The following PDSS2 variants were observed in gnomAD, a reference collection of about 807,000 sequenced individuals.
PDSS2 encodes decaprenyl diphosphate synthase subunit 2, also known as all trans-polyprenyl-diphosphate synthase PDSS2.
Under a neutral mutation model 44.5 loss-of-function variants are expected in PDSS2, and 31 were observed. The observed-to-expected ratio is 0.70, with a 90% CI of 0.52 to 0.94. The LOEUF (loss-of-function observed/expected upper bound fraction) is 0.94, where lower values mean the gene tolerates loss of function less well. Among genes scored for constraint, PDSS2 ranks in the 40% least tolerant of loss-of-function variants. PDSS2 has a pLI of 0.00. For synonymous variants in PDSS2, 157 were observed against 180.3 expected, an observed-to-expected ratio of 0.87 and a Z score of 1.03; for missense variants, 452 against 482.2, an observed-to-expected ratio of 0.94 and a Z score of 0.59.
At chr6:107,274,628 G>C (rs1260151563) in intron 2 of PDSS2, among the ~76,000 whole-genome samples, 1 of 150,426 alleles carries the variant, frequency 6.6e-6, no homozygotes, top group Non-Finnish European at 1.5e-5. Context: ...ATCTGTGCCA[G>C]ATACTAGTCT....
intron 2 of PDSS2, among the ~76,000 whole-genome samples, chr6:107,316,821 T>C (rs1225882360): frequency 6.6e-6 from 1 of 152,218 alleles, no homozygotes; most frequent in Non-Finnish European, 1.5e-5. Flanking sequence ...ACTACATCTA[T>C]AGCTTTGCAC....
rs75461371 is a variant in PDSS2 at position 107,175,958 on chromosome 6, C to T, written c.1041+17864G>A. 5.2e-4 allele frequency among the ~76,000 whole-genome samples: 79 copies of T among 152,276 alleles called. 2 individuals are homozygous for T. The East Asian group carries it at 6.5e-3, about 13-fold the overall frequency. Reference sequence around the variant, plus strand: ...TTTTATTAAAATTATCAACCAAAGGCACTCACTGCAGTAGTGGTATTTGTG... The same window carrying T: ...TTTTATTAAAATTATCAACCAAAGGTACTCACTGCAGTAGTGGTATTTGTG... On this transcript the variant is annotated intron_variant, in intron 7 of 7. Coordinates refer to ENST00000369037, the MANE Select transcript of PDSS2 (RefSeq NM_020381.4).
chr6:107,159,357 AAGGG>A (rs1220057344), intron 7 of PDSS2, among the ~76,000 whole-genome samples: 5 of 129,114 alleles, frequency 3.9e-5, no homozygotes, highest in South Asian at 3.0e-4. Context: ...GAAGGGAAAG[AAGGG>A]AGGGAGGGAG....
chr6:107,158,050 C>T (rs533987347), intron 7 of PDSS2, among the ~76,000 whole-genome samples: 1 of 152,242 alleles, frequency 6.6e-6, no homozygotes, highest in African/African-American at 2.4e-5. Flanking sequence ...ATGCATGAAA[C>T]ATGAATGAAT....
At chr6:107,323,404 T>C (rs1305628354) in intron 2 of PDSS2, among the ~76,000 whole-genome samples, 1 of 152,196 alleles carries the variant, frequency 6.6e-6, no homozygotes, top group East Asian at 1.9e-4. Flanking sequence ...ACAGGATAGT[T>C]GAACCTATCT....
intron 1 of PDSS2, among the ~76,000 whole-genome samples, chr6:107,352,204 T>A (rs778830783): frequency 8.4e-4 from 127 of 152,054 alleles, no homozygotes; most frequent in Non-Finnish European, 1.9e-4. Flanking sequence ...TTTAACTTTA[T>A]AAGGATGGAC....
chr6:107,372,141 T>C (rs1182470659), intron 1 of PDSS2, among the ~76,000 whole-genome samples: 3 of 152,228 alleles, frequency 2.0e-5, no homozygotes, highest in Non-Finnish European at 4.4e-5. Flanking sequence ...ACTTCTATTC[T>C]AGCAGGCAGT....
intron 7 of PDSS2, among the ~76,000 whole-genome samples, chr6:107,164,931 T>C (rs1771286443): frequency 6.6e-6 from 1 of 152,242 alleles, no homozygotes; most frequent in African/African-American, 2.4e-5. Flanking sequence ...TGATGAGCAT[T>C]TTTTCATGTG....
At chr6:107,437,864 A>G (rs921368684) in intron 1 of PDSS2, among the ~76,000 whole-genome samples, 1 of 152,142 alleles carries the variant, frequency 6.6e-6, no homozygotes, top group Non-Finnish European at 1.5e-5. Context: ...AGATTCTTTC[A>G]CTCTCGACAC....
intron 4 of PDSS2, among the ~76,000 whole-genome samples, chr6:107,224,561 C>T (rs945171396): frequency 2.0e-5 from 3 of 151,398 alleles, no homozygotes; most frequent in East Asian, 1.9e-4. Flanking sequence ...TTAAACTATC[C>T]CTGATGCCTG....
chr6:107,274,837 T>TA (rs1239326370), intron 2 of PDSS2, among the ~76,000 whole-genome samples: 2 of 152,046 alleles, frequency 1.3e-5, no homozygotes, highest in African/African-American at 4.8e-5. Context: ...CAAGCCTGGC[T>TA]AACTTTTGTA....
chr6:107,252,943 G>C (rs1277365667), intron 3 of PDSS2, among the ~76,000 whole-genome samples: 1 of 152,148 alleles, frequency 6.6e-6, no homozygotes, highest in Non-Finnish European at 1.5e-5. Flanking sequence ...AATGAAACTA[G>C]TCTCGTTAGG....
chr6:107,236,942 CTT>C (rs541953143), intron 4 of PDSS2, among the ~76,000 whole-genome samples: 7 of 143,806 alleles, frequency 4.9e-5, no homozygotes, highest in Admixed American at 7.0e-5. Flanking sequence ...ACTGAATTAT[CTT>C]TTTTTTTTTT....
intron 1 of PDSS2, among the ~76,000 whole-genome samples, chr6:107,336,473 G>T (rs1229177928): frequency 2.0e-5 from 3 of 151,914 alleles, no homozygotes; most frequent in Admixed American, 6.6e-5. Context: ...TTTTTAAAAA[G>T]AAATTCTAAT....
intron 2 of PDSS2, among the ~76,000 whole-genome samples, chr6:107,330,523 G>A (rs1341063531): frequency 2.0e-5 from 3 of 151,918 alleles, no homozygotes; most frequent in African/African-American, 4.8e-5. Flanking sequence ...CGAGAAAGTG[G>A]AACCATCAGC....
At chr6:107,291,030 G>A (rs1338700955) in intron 2 of PDSS2, among the ~76,000 whole-genome samples, 1 of 151,824 alleles carries the variant, frequency 6.6e-6, no homozygotes, top group East Asian at 1.9e-4. Context: ...AAGCATGTGA[G>A]CGCTAATGAA....
At chr6:107,241,439 C>A (rs751657274) in intron 4 of PDSS2, among the ~76,000 whole-genome samples, 1 of 147,486 alleles carries the variant, frequency 6.8e-6, no homozygotes, top group Non-Finnish European at 1.5e-5. Context: ...CTCTGCCTCC[C>A]GGGTTCACAC....
Position 107,435,761 on chromosome 6 carries a change from G to C in PDSS2, c.296+23229C>G, listed in dbSNP as rs533368922. Among the ~76,000 whole-genome samples, 195 of 152,162 alleles carry C rather than the reference G, an allele frequency of 1.3e-3. 1 individual carries two copies. Among genetic ancestry groups the C allele is most frequent in the Non-Finnish European group, 1.4e-3 (92 of 68,008 alleles). On this transcript the variant is annotated intron_variant, in intron 1 of 7. Transcript: ENST00000369037. ...TGTTTCAAAAATTCAAAACATGACT[G>C]CTAAGTTTTTAGAGTATTCATTAGA...
At chr6:107,179,584 C>G (rs1206511654) in intron 7 of PDSS2, among the ~76,000 whole-genome samples, 1 of 152,108 alleles carries the variant, frequency 6.6e-6, no homozygotes, top group Non-Finnish European at 1.5e-5. Context: ...GATCTTTCAT[C>G]AAGCCAGAAT....
Sources: gnomAD v4.1 joint callset for allele counts (sites outside exome capture counted in the v4.1 genomes callset) on GRCh38, gnomAD v4.1.1 for gene constraint, MANE v1.5 for transcripts, NCBI Gene and HGNC (gene_info 2026-07-23, HGNC 2026-07-21) for gene names.